NBAS: variants seen among roughly 807,000 people sequenced by gnomAD.
The protein encoded by NBAS is NBAS subunit of NRZ tethering complex, also known as NAG/BC035112 fusion.
A neutral mutation model predicts 302.5 loss-of-function variants in NBAS; 219 were observed. The observed-to-expected ratio is 0.72, with a 90% CI of 0.65 to 0.81. The LOEUF (loss-of-function observed/expected upper bound fraction) is 0.81, where lower values mean the gene tolerates loss of function less well. Among genes scored for constraint, NBAS ranks in the 30% least tolerant of loss-of-function variants. NBAS has a pLI of 0.00. For missense variants in NBAS, 2,932 were observed against 2,841.6 expected, an observed-to-expected ratio of 1.03 and a Z score of -0.72; for synonymous variants, 1,118 against 1,021.6, an observed-to-expected ratio of 1.09 and a Z score of -1.80.
chr2:14,850,078 A>G, the NBAS span, among the ~76,000 whole-genome samples: 1 of 136,906 alleles, frequency 7.3e-6, no homozygotes, highest in Non-Finnish European at 1.5e-5. Flanking sequence ...ACACATAACA[A>G]TATTAACTTT....
At chr2:15,300,359 C>T (rs1238895023) in intron 40 of NBAS, among the ~76,000 whole-genome samples, 1 of 152,148 alleles carries the variant, frequency 6.6e-6, no homozygotes, top group Non-Finnish European at 1.5e-5. Flanking sequence ...TTTCAATTTC[C>T]AAGATGATTC....
At chr2:15,529,133 C>T (rs1044614787) in intron 9 of NBAS, among the ~76,000 whole-genome samples, 7 of 151,910 alleles carry the variant, frequency 4.6e-5, no homozygotes, top group Non-Finnish European at 1.0e-4. Context: ...AACACATACG[C>T]TTTTTAAGAA....
the NBAS span, among the ~76,000 whole-genome samples, chr2:14,869,366 G>A: frequency 1.3e-5 from 2 of 152,160 alleles, no homozygotes; most frequent in Non-Finnish European, 2.9e-5. Context: ...TAATTCTGGA[G>A]TACACTCTAG....
chr2:14,800,548 T>C, the NBAS span, among the ~76,000 whole-genome samples: 1 of 152,212 alleles, frequency 6.6e-6, no homozygotes. Context: ...CTGATCTATT[T>C]TCTGAAACTC....
At chr2:15,328,137 T>C in intron 37 of NBAS, 62 bp downstream of exon 37, 2 of 1,504,660 alleles carry the variant, frequency 1.3e-6, no homozygotes, top group South Asian at 1.2e-5. Context: ...TTTTAGTTTT[T>C]GTTTCTACTG....
At chr2:14,797,097 A>C in the NBAS span, among the ~76,000 whole-genome samples, 8 of 44,822 alleles carry the variant, frequency 1.8e-4, no homozygotes, top group African/African-American at 1.9e-3. Context: ...TCCGTCTCAA[A>C]AAAAAAAAAA....
At chr2:14,956,200 A>G in the NBAS span, among the ~76,000 whole-genome samples, 4 of 152,208 alleles carry the variant, frequency 2.6e-5, no homozygotes, top group Non-Finnish European at 4.4e-5. Context: ...CAAGTTTCTC[A>G]TCTCCATCTG....
At chr2:14,902,254 C>A in the NBAS span, among the ~76,000 whole-genome samples, 2 of 152,160 alleles carry the variant, frequency 1.3e-5, no homozygotes, top group African/African-American at 2.4e-5. Flanking sequence ...GCGTCAGCCT[C>A]CCAAGTAGCT....
At chr2:15,077,559 A>G in the NBAS span, among the ~76,000 whole-genome samples, 1 of 152,212 alleles carries the variant, frequency 6.6e-6, no homozygotes, top group African/African-American at 2.4e-5. Flanking sequence ...AAGCAAGTAA[A>G]TGCAGCCTAT....
chr2:15,277,676 C>T (rs1239491867), intron 42 of NBAS, among the ~76,000 whole-genome samples: 1 of 152,128 alleles, frequency 6.6e-6, no homozygotes, highest in Non-Finnish European at 1.5e-5. Context: ...GGGTTATCTG[C>T]AGTAATGCTA....
chr2:15,460,950 C>T lies in NBAS; in HGVS notation c.2339+251G>A, dbSNP rs536476789. ...GTTCTAAACCAGAAAACAGTACATA[C>T]TGAATACACAGAAGTAAAATCAGGA... On this transcript the variant is annotated intron_variant, in intron 21 of 51. Coordinates refer to ENST00000281513, the MANE Select transcript of NBAS (RefSeq NM_015909.4). 1.2e-4 allele frequency among the ~76,000 whole-genome samples: 19 copies of T among 152,134 alleles called. No homozygotes were observed. In the East Asian group the frequency reaches 3.7e-3, roughly 29 times the overall value.
chr2:15,384,668 C>A (rs1381765112), intron 28 of NBAS, among the ~76,000 whole-genome samples: 3 of 151,948 alleles, frequency 2.0e-5, no homozygotes. Flanking sequence ...TACTGTAATT[C>A]TCTCTGCCTC....
chr2:15,383,532 G>A (rs1226936660), intron 28 of NBAS, among the ~76,000 whole-genome samples: 6 of 152,196 alleles, frequency 3.9e-5, no homozygotes, highest in South Asian at 4.1e-4. Context: ...ATGCATCACT[G>A]CTAGAGATGG....
chr2:15,006,256 T>C, the NBAS span, among the ~76,000 whole-genome samples: 7 of 152,152 alleles, frequency 4.6e-5, no homozygotes, highest in African/African-American at 1.7e-4. Context: ...TATCATATTG[T>C]TTGATTCAGA....
chr2:15,468,706 GACT>G (rs1679830622), intron 16 of NBAS, among the ~76,000 whole-genome samples, 173 bp from the exon 17 acceptor site: 1 of 152,216 alleles, frequency 6.6e-6, no homozygotes, highest in African/African-American at 2.4e-5. Context: ...GCCTAATGGT[GACT>G]ACAACTGGAT....
At chr2:15,038,349 G>A in the NBAS span, among the ~76,000 whole-genome samples, 5 of 152,142 alleles carry the variant, frequency 3.3e-5, no homozygotes, top group East Asian at 1.9e-4. Flanking sequence ...CTGACCTTGT[G>A]ATTCGCCTGC....
chr2:15,204,029 G>T (rs912938323), intron 48 of NBAS, among the ~76,000 whole-genome samples: 1 of 151,816 alleles, frequency 6.6e-6, no homozygotes, highest in Non-Finnish European at 1.5e-5. Context: ...TGGGAGGTTG[G>T]GGCAGCAGGA....
At position 15,559,437 on chromosome 2, in the gene NBAS, C is replaced by T. The variant is rs77819410; in HGVS notation, c.118-803G>A. ...ATTCCATAAGTATAGACTGAACACA[C>T]CGTGGGTAGGTTCATGACGCTAGGC... On this transcript the variant is annotated intron_variant, in intron 1 of 51. Transcript: ENST00000281513. Among the ~76,000 whole-genome samples, 191 of 152,272 alleles carry T rather than the reference C, an allele frequency of 1.3e-3. 1 individual carries two copies. Among genetic ancestry groups the T allele is most frequent in the African/African-American group, 4.4e-3 (182 of 41,556 alleles).
At chr2:15,295,624 T>C (rs1016171978) in intron 40 of NBAS, among the ~76,000 whole-genome samples, 1 of 152,220 alleles carries the variant, frequency 6.6e-6, no homozygotes, top group African/African-American at 2.4e-5. Context: ...CATATACAAA[T>C]CATAGTTTAA....
Sources: allele counts gnomAD v4.1 joint callset (sites outside exome capture counted in the v4.1 genomes callset), GRCh38; gene constraint gnomAD v4.1.1; transcripts MANE v1.5; gene names NCBI Gene and HGNC (gene_info 2026-07-23, HGNC 2026-07-21).